The following SRD5A2 variants were observed in gnomAD, a reference collection of about 807,000 sequenced individuals.
The protein encoded by SRD5A2 is 3-oxo-5-alpha-steroid 4-dehydrogenase 2.
Under a neutral mutation model 27.4 loss-of-function variants are expected in SRD5A2, and 30 were observed. That is an observed-to-expected ratio of 1.10 (90% confidence interval 0.82 to 1.49). The LOEUF (loss-of-function observed/expected upper bound fraction) is 1.49. SRD5A2 is among the 40% of genes most tolerant of loss of function. The pLI is 0.00. For synonymous variants in SRD5A2, 141 were observed against 133.6 expected, an observed-to-expected ratio of 1.06 and a Z score of -0.38; for missense variants, 348 against 323.4, an observed-to-expected ratio of 1.08 and a Z score of -0.58.
chr2:31,525,882 A>C lies in SRD5A2; in HGVS notation c.*314T>G. ...TGACAGGGAGTGGGTATGAAGCCAC[A>C]TGTACTTGGATTGCCCGGTGAAAGA... On this transcript the variant is annotated 3_prime_UTR_variant, in exon 5 of 5. Coordinates refer to ENST00000622030, the MANE Select transcript of SRD5A2 (RefSeq NM_000348.4). 1 of 305,860 alleles carries C rather than the reference A, an allele frequency of 3.3e-6. No homozygotes were observed. The highest frequency in any genetic ancestry group is 6.1e-6 in the Non-Finnish European group (1 of 163,306). The allele number at this position is 305,860 out of a possible 1,614,324, so 18.9% of individuals were successfully genotyped here.
At chr2:31,536,236 G>A (rs893669840) in intron 1 of SRD5A2, among the ~76,000 whole-genome samples, 6 of 152,200 alleles carry the variant, frequency 3.9e-5, no homozygotes, top group African/African-American at 1.4e-4. Flanking sequence ...TGCAGTAGAA[G>A]TATGTATTAA....
intron 4 of SRD5A2, among the ~76,000 whole-genome samples, chr2:31,527,348 A>T (rs1038269523): frequency 2.6e-5 from 4 of 152,202 alleles, no homozygotes; most frequent in African/African-American, 9.7e-5. Context: ...AAGTTACAAA[A>T]GGTGGCTGGT....
chr2:31,547,747 G>C (rs1488370347), intron 1 of SRD5A2, among the ~76,000 whole-genome samples: 2 of 152,210 alleles, frequency 1.3e-5, no homozygotes, highest in East Asian at 1.9e-4. Context: ...CATGCTACCA[G>C]CTTCCCTGGC....
the SRD5A2 span, among the ~76,000 whole-genome samples, chr2:31,644,545 G>A: frequency 6.6e-6 from 1 of 152,180 alleles, no homozygotes; most frequent in Non-Finnish European, 1.5e-5. Flanking sequence ...TCTTGCTCCT[G>A]TGAGAATCTA....
chr2:31,638,303 T>C, the SRD5A2 span, among the ~76,000 whole-genome samples: 11 of 152,088 alleles, frequency 7.2e-5, no homozygotes, highest in African/African-American at 2.7e-4. Context: ...TCACCAGATA[T>C]GATTTCTGTT....
chr2:31,571,756 G>A (rs1427001456), intron 1 of SRD5A2, among the ~76,000 whole-genome samples: 1 of 152,014 alleles, frequency 6.6e-6, no homozygotes, highest in African/African-American at 2.4e-5. Context: ...GGCCAACAAG[G>A]ATATGAAAAA....
At chr2:31,575,305 T>C (rs934507128) in intron 1 of SRD5A2, among the ~76,000 whole-genome samples, 2 of 152,222 alleles carry the variant, frequency 1.3e-5, no homozygotes, top group African/African-American at 4.8e-5. Context: ...ATGAGAAGAC[T>C]CAAGTTCCAA....
the SRD5A2 span, among the ~76,000 whole-genome samples, chr2:31,595,540 A>C: frequency 6.6e-6 from 1 of 152,104 alleles, no homozygotes; most frequent in South Asian, 2.1e-4. Flanking sequence ...AATAACAAGT[A>C]CTGAGATTGA....
the SRD5A2 span, among the ~76,000 whole-genome samples, chr2:31,619,643 G>A: frequency 6.6e-6 from 1 of 152,020 alleles, no homozygotes; most frequent in Non-Finnish European, 1.5e-5. Flanking sequence ...TCAGACTGGT[G>A]TGAGGTGATA....
At chr2:31,588,098 T>C in the SRD5A2 span, among the ~76,000 whole-genome samples, 1 of 151,816 alleles carries the variant, frequency 6.6e-6, no homozygotes, top group African/African-American at 2.4e-5. Context: ...TCAAAAAGAA[T>C]GAAGCATGCC....
At chr2:31,533,498 T>A in intron 2 of SRD5A2, 105 bp downstream of exon 2, 1 of 1,038,494 alleles carries the variant, frequency 9.6e-7, no homozygotes, top group Non-Finnish European at 1.4e-6. Flanking sequence ...GAGGGGAAGA[T>A]GGGATCATTA....
At chr2:31,649,534 T>C in the SRD5A2 span, among the ~76,000 whole-genome samples, 1 of 152,154 alleles carries the variant, frequency 6.6e-6, no homozygotes, top group African/African-American at 2.4e-5. Flanking sequence ...CTTCATATTA[T>C]TTTTACTCCA....
intron 1 of SRD5A2, among the ~76,000 whole-genome samples, chr2:31,544,356 A>G (rs901787425): frequency 6.6e-6 from 1 of 151,958 alleles, no homozygotes; most frequent in Non-Finnish European, 1.5e-5. Flanking sequence ...ATACAAAACA[A>G]CTCTGACCAC....
At chr2:31,625,387 G>A in the SRD5A2 span, among the ~76,000 whole-genome samples, 1 of 152,056 alleles carries the variant, frequency 6.6e-6, no homozygotes, top group Admixed American at 6.6e-5. Flanking sequence ...TGTCTATTTT[G>A]GCTTTTGTTG....
At chr2:31,581,076 C>T, upstream of SRD5A2, 1 of 670,480 alleles carries the variant, frequency 1.5e-6, no homozygotes, top group Non-Finnish European at 2.4e-6. Flanking sequence ...CAGCAATACC[C>T]CTTTCTCAAG....
chr2:31,571,767 A>C (rs1182469529), intron 1 of SRD5A2, among the ~76,000 whole-genome samples: 3 of 152,258 alleles, frequency 2.0e-5, no homozygotes, highest in Non-Finnish European at 4.4e-5. Context: ...ATATGAAAAA[A>C]TGCTCGGCAT....
At chr2:31,551,867 A>C (rs181241697) in intron 1 of SRD5A2, among the ~76,000 whole-genome samples, 132 of 152,242 alleles carry the variant, frequency 8.7e-4, no homozygotes, top group African/African-American at 3.1e-3. Context: ...AAAACAGAAT[A>C]TAGGACCCAG....
chr2:31,586,715 A>G, the SRD5A2 span, among the ~76,000 whole-genome samples: 1 of 152,244 alleles, frequency 6.6e-6, no homozygotes. Flanking sequence ...AAGCAGATAC[A>G]GCATAGATCA....
intron 1 of SRD5A2, among the ~76,000 whole-genome samples, chr2:31,560,825 G>A (rs978788956): frequency 6.0e-4 from 91 of 152,152 alleles, no homozygotes; most frequent in African/African-American, 2.1e-3. Flanking sequence ...GTTACTCGGT[G>A]TCTCCACAAG....
Sources: gnomAD v4.1 joint callset for allele counts (sites outside exome capture counted in the v4.1 genomes callset) on GRCh38, gnomAD v4.1.1 for gene constraint, MANE v1.5 for transcripts, NCBI Gene and HGNC (gene_info 2026-07-23, HGNC 2026-07-21) for gene names.